The following NPSR1 variants were observed in gnomAD, a reference collection of about 807,000 sequenced individuals.
NPSR1 encodes neuropeptide S receptor 1.
In NPSR1, 48 loss-of-function variants were observed where a neutral mutation model predicts 46.9. The observed-to-expected ratio is 1.02, with a 90% confidence interval of 0.81 to 1.30. The LOEUF (loss-of-function observed/expected upper bound fraction) is 1.30, where lower values mean the gene tolerates loss of function less well. NPSR1 is among the 50% of genes most tolerant of loss of function. The probability of loss-of-function intolerance (pLI) is 0.00; values close to 1 mark genes in which losing one functional copy is unlikely to be tolerated. For synonymous variants in NPSR1, 176 were observed against 168.1 expected, an observed-to-expected ratio of 1.05 and a Z score of -0.36; for missense variants, 450 against 449.5, an observed-to-expected ratio of 1.00 and a Z score of -0.01.
intron 2 of NPSR1, among the ~76,000 whole-genome samples, chr7:34,746,761 C>T (rs974549251): frequency 6.6e-6 from 1 of 152,110 alleles, no homozygotes; most frequent in African/African-American, 2.4e-5. Flanking sequence ...AAAATGAAAA[C>T]CAGGCTACCT....
At chr7:34,762,474 T>C (rs1786224187) in intron 2 of NPSR1, among the ~76,000 whole-genome samples, 1 of 152,186 alleles carries the variant, frequency 6.6e-6, no homozygotes, top group Non-Finnish European at 1.5e-5. Flanking sequence ...TTCAGTTTTA[T>C]CATTAAACAA....
chr7:34,777,243 TCAAGTTCTGAC>T (rs1787005453), intron 2 of NPSR1, among the ~76,000 whole-genome samples: 1 of 152,130 alleles, frequency 6.6e-6, no homozygotes. Flanking sequence ...TTGTGGGAAC[TCAAGTTCTGAC>T]CACCAGGATT....
intron 1 of NPSR1, among the ~76,000 whole-genome samples, chr7:34,680,694 A>C (rs1792585193): frequency 6.6e-6 from 1 of 152,170 alleles, no homozygotes. Flanking sequence ...AAAATGAAAA[A>C]CCTGCAGCTC....
At chr7:34,687,411 T>C (rs1403924345) in intron 2 of NPSR1, among the ~76,000 whole-genome samples, 1 of 152,198 alleles carries the variant, frequency 6.6e-6, no homozygotes, top group Admixed American at 6.5e-5. Context: ...AGAGGTTTAG[T>C]TGACTCAGAG....
chr7:34,773,750 C>T (rs1384931883), intron 2 of NPSR1, among the ~76,000 whole-genome samples: 1 of 152,174 alleles, frequency 6.6e-6, no homozygotes, highest in East Asian at 1.9e-4. Context: ...TGCTCTCTGC[C>T]ACTGTGGCCA....
chr7:34,765,547 A>G (rs1359818669), intron 2 of NPSR1, among the ~76,000 whole-genome samples: 1 of 152,238 alleles, frequency 6.6e-6, no homozygotes, highest in Non-Finnish European at 1.5e-5. Flanking sequence ...TACCATTTGA[A>G]TTAGCAATCC....
intron 1 of NPSR1, among the ~76,000 whole-genome samples, chr7:34,672,347 G>A (rs968476628): frequency 1.5e-4 from 23 of 152,158 alleles, no homozygotes; most frequent in Non-Finnish European, 8.8e-5. Flanking sequence ...GTCCTCTTGC[G>A]ATCCAAGAAC....
intron 6 of NPSR1, among the ~76,000 whole-genome samples, chr7:34,842,587 A>G (rs1410027613): frequency 1.3e-5 from 2 of 152,220 alleles, no homozygotes; most frequent in African/African-American, 4.8e-5. Context: ...GCTTTCTTAC[A>G]AGGCGGAGGT....
At chr7:34,682,195 G>A (rs893441370) in intron 1 of NPSR1, among the ~76,000 whole-genome samples, 2 of 152,180 alleles carry the variant, frequency 1.3e-5, no homozygotes, top group African/African-American at 4.8e-5. Context: ...GGAAGAAAGA[G>A]AACTACTGAA....
chr7:34,762,472 T>C (rs1786224070), intron 2 of NPSR1, among the ~76,000 whole-genome samples: 1 of 152,206 alleles, frequency 6.6e-6, no homozygotes, highest in Non-Finnish European at 1.5e-5. Flanking sequence ...CATTCAGTTT[T>C]ATCATTAAAC....
chr7:34,720,239 A>G (rs1473194885), intron 2 of NPSR1, among the ~76,000 whole-genome samples: 1 of 151,492 alleles, frequency 6.6e-6, no homozygotes, highest in Non-Finnish European at 1.5e-5. Flanking sequence ...AAGATTGCAC[A>G]ACTACACTCC....
intron 7 of NPSR1, among the ~76,000 whole-genome samples, chr7:34,847,830 A>G (rs1790793433): frequency 6.6e-6 from 1 of 152,190 alleles, no homozygotes; most frequent in African/African-American, 2.4e-5. Context: ...AGCCCAGTCA[A>G]GTAGTCTCAA....
chr7:34,717,267 C>T (rs909936507), intron 2 of NPSR1, among the ~76,000 whole-genome samples: 5 of 152,042 alleles, frequency 3.3e-5, no homozygotes, highest in Non-Finnish European at 1.5e-5. Context: ...CGAGTAGCTT[C>T]GATTACAGGC....
At chr7:34,696,959 G>A (rs1054821280) in intron 2 of NPSR1, among the ~76,000 whole-genome samples, 7 of 151,916 alleles carry the variant, frequency 4.6e-5, no homozygotes, top group African/African-American at 9.7e-5. Flanking sequence ...AGCTCATGAT[G>A]TATTTTATGC....
At chr7:34,789,548 T>C (rs1787623689) in intron 3 of NPSR1, among the ~76,000 whole-genome samples, 1 of 151,720 alleles carries the variant, frequency 6.6e-6, no homozygotes, top group Non-Finnish European at 1.5e-5. Context: ...ATCCCAGCAC[T>C]TCGGGAGGCT....
chr7:34,792,689 G>GTATAGATATATTTT (rs1787966241), intron 3 of NPSR1, among the ~76,000 whole-genome samples: 5 of 74,312 alleles, frequency 6.7e-5, no homozygotes, highest in Admixed American at 1.6e-4. Context: ...ATATATATAT[G>GTATAGATATATTTT]TATATATATA....
chr7:34,746,874 C>T (rs575476558), intron 2 of NPSR1, among the ~76,000 whole-genome samples: 4 of 152,244 alleles, frequency 2.6e-5, no homozygotes, highest in African/African-American at 9.6e-5. Flanking sequence ...TGCCTGTAAT[C>T]CCAGCACTTT....
At chr7:34,810,864 G>A (rs1788947480) in intron 3 of NPSR1, among the ~76,000 whole-genome samples, 1 of 152,160 alleles carries the variant, frequency 6.6e-6, no homozygotes, top group African/African-American at 2.4e-5. Flanking sequence ...ACCAAACTCT[G>A]CTTCCTGGTG....
intron 2 of NPSR1, among the ~76,000 whole-genome samples, chr7:34,713,168 C>T (rs1783387582): frequency 6.6e-6 from 1 of 152,164 alleles, no homozygotes; most frequent in African/African-American, 2.4e-5. Flanking sequence ...CTGGTTCCTA[C>T]AGTATACAGA....
Sources: allele counts gnomAD v4.1 joint callset (sites outside exome capture counted in the v4.1 genomes callset), GRCh38; gene constraint gnomAD v4.1.1; transcripts MANE v1.5; gene names NCBI Gene and HGNC (gene_info 2026-07-23, HGNC 2026-07-21).